FMN2: variants seen among roughly 807,000 people sequenced by gnomAD.
FMN2 encodes formin-2.
FMN2 carries 51 observed loss-of-function variants against 142.3 expected under a neutral mutation model. The observed-to-expected ratio is 0.36, with a 90% CI of 0.29 to 0.45. FMN2 has a LOEUF of 0.45. FMN2 is among the 20% of genes least tolerant of loss of function. FMN2 has a pLI of 1.00. For synonymous variants in FMN2, 882 were observed against 869.8 expected, an observed-to-expected ratio of 1.01 and a Z score of -0.25; for missense variants, 1,936 against 2,122.8, an observed-to-expected ratio of 0.91 and a Z score of 1.73.
chr1:240,259,252 A>G (rs1346811064), intron 7 of FMN2, among the ~76,000 whole-genome samples: 2 of 152,296 alleles, frequency 1.3e-5, no homozygotes, highest in South Asian at 2.1e-4. Context: ...CCTTCAGTCA[A>G]ATATTCAACT....
rs1201710830 is a variant in FMN2 at position 240,208,387 on chromosome 1, G to A, written c.3575G>A (p.Gly1192Glu). Residue 1192 changes from glycine to glutamate, a missense_variant, in exon 5 of 18, where the codon GGA (glycine) becomes GAA (glutamate). Physicochemically the swap from Gly to Glu is moderately conservative, Grantham distance 98. Transcript: ENST00000319653. Reference protein sequence around the residue: ...VGIPPPPPLPGVGIPPPPPLP... With the variant: ...VGIPPPPPLPEVGIPPPPPLP... ...ATACCTCCTCCGCCCCCTCTACCTGGAGTGGGAATACCTCCTCCGCCCCCT... is the reference window on the plus strand; with the variant it reads ...ATACCTCCTCCGCCCCCTCTACCTGAAGTGGGAATACCTCCTCCGCCCCCT... 1 of 1,588,052 alleles carries A rather than the reference G, an allele frequency of 6.3e-7. No homozygotes were observed. Among genetic ancestry groups the A allele is most frequent in the East Asian group, 2.3e-5 (1 of 44,214 alleles).
At chr1:240,323,309 C>T (rs1558432906) in intron 8 of FMN2, among the ~76,000 whole-genome samples, 1 of 152,108 alleles carries the variant, frequency 6.6e-6, no homozygotes, top group Non-Finnish European at 1.5e-5. Flanking sequence ...TTTCTTGTGC[C>T]TCAGACTCCC....
At chr1:240,365,148 TATATACAC>T (rs887462444) in intron 14 of FMN2, among the ~76,000 whole-genome samples, 1 of 148,618 alleles carries the variant, frequency 6.7e-6, no homozygotes, top group African/African-American at 2.6e-5. Context: ...TAGATATAGA[TATATACAC>T]ATATACATAC....
intron 2 of FMN2, among the ~76,000 whole-genome samples, chr1:240,132,093 T>G (rs890695985): frequency 2.0e-4 from 30 of 151,968 alleles, no homozygotes; most frequent in African/African-American, 7.3e-4. Flanking sequence ...GGAAGTGGAG[T>G]AGATGATTTC....
At chr1:240,204,264 GAT>G (rs1317928820) in intron 4 of FMN2, among the ~76,000 whole-genome samples, 1 of 152,146 alleles carries the variant, frequency 6.6e-6, no homozygotes, top group African/African-American at 2.4e-5. Context: ...TGTAGCAAAA[GAT>G]ATAGTTTCCA....
chr1:240,298,038 C>G (rs1189235516), intron 8 of FMN2, among the ~76,000 whole-genome samples: 1 of 152,132 alleles, frequency 6.6e-6, no homozygotes, highest in African/African-American at 2.4e-5. Context: ...ACCTTGATAC[C>G]ATCATCCTGG....
At chr1:240,359,949 A>G (rs1672405330) in intron 14 of FMN2, among the ~76,000 whole-genome samples, 2 of 152,344 alleles carry the variant, frequency 1.3e-5, no homozygotes, top group Admixed American at 6.5e-5. Flanking sequence ...TATAGCATAC[A>G]CTGTCTTGCT....
intron 15 of FMN2, among the ~76,000 whole-genome samples, chr1:240,423,411 G>A (rs1265261132): frequency 2.0e-5 from 3 of 152,096 alleles, no homozygotes; most frequent in Admixed American, 6.6e-5. Context: ...AATAAAAAAC[G>A]CAAAAGCAAT....
chr1:240,391,117 C>T (rs1673588462), intron 14 of FMN2, among the ~76,000 whole-genome samples: 1 of 152,032 alleles, frequency 6.6e-6, no homozygotes, highest in South Asian at 2.1e-4. Flanking sequence ...ATAGGATATT[C>T]ATTCTTTTTT....
intron 15 of FMN2, among the ~76,000 whole-genome samples, chr1:240,430,760 C>G (rs1436204348): frequency 6.7e-6 from 1 of 150,046 alleles, no homozygotes; most frequent in Non-Finnish European, 1.5e-5. Context: ...TGAATTGGCT[C>G]GCCACCTTTT....
At chr1:240,293,093 T>G (rs1485757307) in intron 7 of FMN2, among the ~76,000 whole-genome samples, 1 of 152,112 alleles carries the variant, frequency 6.6e-6, no homozygotes, top group Non-Finnish European at 1.5e-5. Flanking sequence ...ATTAAGAATA[T>G]TCTTTCGATC....
chr1:240,382,451 A>G (rs867426424), intron 14 of FMN2, among the ~76,000 whole-genome samples: 1 of 152,140 alleles, frequency 6.6e-6, no homozygotes, highest in South Asian at 2.1e-4. Flanking sequence ...ACCTGAGGTC[A>G]GGAGTTCGAG....
At chr1:240,256,452 G>A (rs1399226422) in intron 6 of FMN2, among the ~76,000 whole-genome samples, 1 of 152,008 alleles carries the variant, frequency 6.6e-6, no homozygotes, top group Non-Finnish European at 1.5e-5. Context: ...AATGATCAGG[G>A]CAGGGCCAGG....
intron 13 of FMN2, among the ~76,000 whole-genome samples, chr1:240,346,393 T>G (rs2103034707): frequency 6.6e-6 from 1 of 152,254 alleles, no homozygotes; most frequent in East Asian, 1.9e-4. Flanking sequence ...TCTCTCCCTC[T>G]TAAAATGCGG....
intron 7 of FMN2, among the ~76,000 whole-genome samples, chr1:240,260,991 G>A (rs4659952): frequency 6.6e-6 from 1 of 152,094 alleles, no homozygotes; most frequent in East Asian, 1.9e-4. Flanking sequence ...TATCCCAGCA[G>A]CATTTGTTGA....
At chr1:240,360,431 C>G (rs1357903103) in intron 14 of FMN2, among the ~76,000 whole-genome samples, 1 of 152,186 alleles carries the variant, frequency 6.6e-6, no homozygotes, top group Middle Eastern at 3.2e-3. Context: ...TGCTCTGGAC[C>G]TGATACTTCT....
intron 2 of FMN2, among the ~76,000 whole-genome samples, chr1:240,134,174 A>G (rs1662846496): frequency 6.6e-6 from 1 of 152,244 alleles, no homozygotes; most frequent in Non-Finnish European, 1.5e-5. Flanking sequence ...TTCTTATTAC[A>G]GAATCAGGCA....
In FMN2 at chr1:240,474,471, C is replaced by G. The variant is rs1201116640; in HGVS notation, c.*317C>G. ...TTCTCAACATGCTAAACATTAACTA[C>G]AATTCACTGTTGTGAGAATATTCCT... On this transcript the variant is annotated 3_prime_UTR_variant, in exon 18 of 18. Transcript: ENST00000319653. The G allele has an allele frequency of 3.9e-6, 1 of 254,492 alleles. No homozygotes were observed. The highest frequency in any genetic ancestry group is 2.2e-5 in the African/African-American group (1 of 44,674). The allele number at this position is 254,492 out of a possible 1,614,324, so 15.8% of individuals were successfully genotyped here.
At position 240,257,932 on chromosome 1, in the gene FMN2, C is replaced by G. The variant is rs777110704; in HGVS notation, c.4066-13C>G. On this transcript the variant is annotated splice_polypyrimidine_tract_variant and intron_variant, in intron 6 of 17. Transcript: ENST00000319653. Reference sequence around the variant, plus strand: ...AATTAACATTTTCCCCTTTTACTTTCTTTCTCGAGCAGGTTGTCAAGTTAT... The same window carrying G: ...AATTAACATTTTCCCCTTTTACTTTGTTTCTCGAGCAGGTTGTCAAGTTAT... 5 of 1,609,604 alleles carry G rather than the reference C, an allele frequency of 3.1e-6. No homozygotes were observed. Among genetic ancestry groups the G allele is most frequent in the Non-Finnish European group, 4.2e-6 (5 of 1,177,438 alleles).
Sources: allele counts gnomAD v4.1 joint callset (sites outside exome capture counted in the v4.1 genomes callset), GRCh38; gene constraint gnomAD v4.1.1; transcripts MANE v1.5; gene names NCBI Gene and HGNC (gene_info 2026-07-23, HGNC 2026-07-21).